The following CFAP299 variants were observed in gnomAD, a reference collection of about 807,000 sequenced individuals.
CFAP299 encodes cilia- and flagella-associated protein 299.
A neutral mutation model predicts 27.0 loss-of-function variants in CFAP299; 21 were observed. The observed-to-expected ratio is 0.78, with a 90% CI of 0.55 to 1.12. The LOEUF (loss-of-function observed/expected upper bound fraction) is 1.12, where lower values mean the gene tolerates loss of function less well. CFAP299 is among the 50% of genes most tolerant of loss of function. The probability of loss-of-function intolerance (pLI) is 0.00; values close to 1 mark genes in which losing one functional copy is unlikely to be tolerated. For missense variants in CFAP299, 310 were observed against 276.6 expected (o/e 1.12, Z -0.86); for synonymous variants, 104 against 98.1 (o/e 1.06, Z -0.36).
At chr4:80,401,362 T>G (rs1726144940) in intron 2 of CFAP299, among the ~76,000 whole-genome samples, 1 of 152,124 alleles carries the variant, frequency 6.6e-6, no homozygotes, top group Non-Finnish European at 1.5e-5. Flanking sequence ...AATGGTTTAG[T>G]GGACTGGGCC....
chr4:80,890,887 C>T lies in CFAP299; in HGVS notation c.476+20752C>T, dbSNP rs1233311735. Among the ~76,000 whole-genome samples the T allele has an allele frequency of 5.4e-3, 761 of 141,354 alleles. 4 individuals carry two copies. The highest frequency in any genetic ancestry group is 0.018 in the South Asian group (76 of 4,282). The allele number at this position is 141,354 out of a possible 152,430, so 92.7% of individuals were successfully genotyped here. A position where few individuals can be genotyped will look rare whatever the true frequency, so the allele number is the denominator to read the frequency against. On this transcript the variant is annotated intron_variant, in intron 4 of 5. Transcript: ENST00000358105. ...TTGAGAAGTGTCTGTTCATGTCCTT[C>T]GCCCACTTTTTGATGGGGTTGTTTG...
intron 1 of CFAP299, among the ~76,000 whole-genome samples, chr4:80,361,984 C>G (rs905176358): frequency 2.0e-5 from 3 of 151,926 alleles, no homozygotes; most frequent in Admixed American, 1.3e-4. Flanking sequence ...AATCTTTATA[C>G]TAATAACTTT....
intron 4 of CFAP299, among the ~76,000 whole-genome samples, chr4:80,923,507 G>GTA (rs1736148854): frequency 6.6e-6 from 1 of 152,020 alleles, no homozygotes; most frequent in Admixed American, 6.6e-5. Context: ...GTAGCCAACT[G>GTA]TATGTGTGTG....
intron 2 of CFAP299, among the ~76,000 whole-genome samples, chr4:80,537,027 A>G (rs1733777254): frequency 6.6e-6 from 1 of 152,142 alleles, no homozygotes; most frequent in African/African-American, 2.4e-5. Context: ...TAACCTGGTT[A>G]AAAAATGAGC....
At chr4:80,790,157 A>C (rs1315895681) in intron 3 of CFAP299, among the ~76,000 whole-genome samples, 6 of 152,010 alleles carry the variant, frequency 3.9e-5, no homozygotes, top group Non-Finnish European at 8.8e-5. Flanking sequence ...AAAATTTGCT[A>C]TTTAAGGGTT....
intron 2 of CFAP299, among the ~76,000 whole-genome samples, chr4:80,507,724 C>T (rs375373805): frequency 2.0e-5 from 3 of 152,236 alleles, no homozygotes; most frequent in East Asian, 3.9e-4. Context: ...TTCCACAAGC[C>T]CCCAGTTTGA....
chr4:80,642,150 A>G (rs912255752), intron 3 of CFAP299, among the ~76,000 whole-genome samples: 3 of 152,180 alleles, frequency 2.0e-5, no homozygotes, highest in African/African-American at 7.2e-5. Flanking sequence ...ACCACACTCA[A>G]TCTTCTAGTT....
intron 2 of CFAP299, among the ~76,000 whole-genome samples, chr4:80,573,129 A>C (rs1383980269): frequency 6.6e-6 from 1 of 152,096 alleles, no homozygotes; most frequent in East Asian, 1.9e-4. Context: ...GGTCACCAGT[A>C]TTTGTTATTG....
chr4:80,828,304 A>G (rs1160293560), intron 3 of CFAP299, among the ~76,000 whole-genome samples: 2 of 152,086 alleles, frequency 1.3e-5, no homozygotes, highest in East Asian at 1.9e-4. Context: ...CTAAAAAGCT[A>G]TGGAAATCAA....
chr4:80,469,487 G>T (rs1193450011), intron 2 of CFAP299, among the ~76,000 whole-genome samples: 1 of 152,034 alleles, frequency 6.6e-6, no homozygotes, highest in East Asian at 1.9e-4. Flanking sequence ...ATGATATTTT[G>T]TATGAAAACA....
intron 3 of CFAP299, among the ~76,000 whole-genome samples, chr4:80,799,785 T>A (rs1372668732): frequency 5.0e-5 from 2 of 39,800 alleles, no homozygotes; most frequent in African/African-American, 1.1e-4. Context: ...ATATATATAT[T>A]ATATATTATA....
At chr4:80,633,662 C>A (rs1410382381) in intron 3 of CFAP299, among the ~76,000 whole-genome samples, 6 of 152,070 alleles carry the variant, frequency 3.9e-5, no homozygotes, top group Non-Finnish European at 5.9e-5. Flanking sequence ...AATGCTGATA[C>A]TAAATTTTCT....
intron 3 of CFAP299, among the ~76,000 whole-genome samples, chr4:80,849,503 G>A (rs940030640): frequency 5.9e-5 from 9 of 152,204 alleles, no homozygotes; most frequent in African/African-American, 1.9e-4. Flanking sequence ...AAAGAAAGCA[G>A]TGAGTTTCTG....
intron 5 of CFAP299, among the ~76,000 whole-genome samples, chr4:80,948,001 G>A (rs1017477865): frequency 6.6e-6 from 1 of 152,044 alleles, no homozygotes; most frequent in Non-Finnish European, 1.5e-5. Context: ...TCCTTCCTAA[G>A]GTGAACATCT....
At chr4:80,492,273 G>A (rs533602963) in intron 2 of CFAP299, among the ~76,000 whole-genome samples, 3 of 152,248 alleles carry the variant, frequency 2.0e-5, no homozygotes, top group African/African-American at 4.8e-5. Context: ...TCTCAGGACG[G>A]ACTTCCTGAG....
At chr4:80,706,294 C>T (rs1251202979) in intron 3 of CFAP299, among the ~76,000 whole-genome samples, 2 of 151,214 alleles carry the variant, frequency 1.3e-5, no homozygotes, top group African/African-American at 4.9e-5. Flanking sequence ...TTAATTAAAA[C>T]AAATGAGGAT....
chr4:80,949,426 A>C lies in CFAP299; in HGVS notation c.606+4487A>C, dbSNP rs572424091. ...AGGAATGGTGAAGGGAGAGCATTGGAGATAATGTTAAGTGATAATGGAGGA... is the reference window on the plus strand; with the variant it reads ...AGGAATGGTGAAGGGAGAGCATTGGCGATAATGTTAAGTGATAATGGAGGA... On this transcript the variant is annotated intron_variant, in intron 5 of 5. Transcript: ENST00000358105. 2.0e-4 allele frequency among the ~76,000 whole-genome samples: 31 copies of C among 152,198 alleles called. No individual in the cohort carries two copies. The South Asian group carries it at 6.2e-3, about 31-fold the overall frequency.
At chr4:80,480,205 G>A (rs1730486793) in intron 2 of CFAP299, among the ~76,000 whole-genome samples, 2 of 151,844 alleles carry the variant, frequency 1.3e-5, no homozygotes, top group African/African-American at 4.8e-5. Flanking sequence ...AATGTTAGGT[G>A]GAAAATGTGA....
rs945338175 is a variant in CFAP299 at position 80,606,429 on chromosome 4, G to C, written c.333+23246G>C. On this transcript the variant is annotated intron_variant, in intron 3 of 5. Coordinates refer to ENST00000358105, the MANE Select transcript of CFAP299 (RefSeq NM_152770.3). Reference sequence around the variant, plus strand: ...AGGCGCCTGTAATCCCAGCTACTCGGGGGGCTGAGGCAGGAGAATCGCTTG... The same window carrying C: ...AGGCGCCTGTAATCCCAGCTACTCGCGGGGCTGAGGCAGGAGAATCGCTTG... Among the ~76,000 whole-genome samples, 4 of 152,096 alleles carry C rather than the reference G, an allele frequency of 2.6e-5. 1 individual carries two copies. Among genetic ancestry groups the C allele is most frequent in the Admixed American group, 1.3e-4 (2 of 15,266 alleles).
Sources: allele counts gnomAD v4.1 joint callset (sites outside exome capture counted in the v4.1 genomes callset), GRCh38; gene constraint gnomAD v4.1.1; transcripts MANE v1.5; gene names NCBI Gene and HGNC (gene_info 2026-07-23, HGNC 2026-07-21).